The following KHDRBS2 variants were observed in gnomAD, a reference collection of about 807,000 sequenced individuals.
KHDRBS2 encodes KH domain-containing, RNA-binding, signal transduction-associated protein 2.
A neutral mutation model predicts 44.3 loss-of-function variants in KHDRBS2; 26 were observed. The ratio of observed to expected loss-of-function variants is 0.59; its 90% CI spans 0.43 to 0.81. KHDRBS2 has a LOEUF of 0.81. KHDRBS2 is among the 40% of genes least tolerant of loss of function. The probability of loss-of-function intolerance (pLI) is 0.00; values close to 1 mark genes in which losing one functional copy is unlikely to be tolerated. For missense variants in KHDRBS2, 476 were observed against 433.1 expected (o/e 1.10, Z -0.88); for synonymous variants, 194 against 151.1 (o/e 1.28, Z -2.08).
rs1766248448 is a variant in KHDRBS2, at chr6:61,681,162, C to T, written c.953-102G>A. ...GACCGAGAAAAAGAAAACAAAAGAT[C>T]TCAACACCGAACGCTAAAGCCTATT... On this transcript the variant is annotated intron_variant, in intron 8 of 8. Transcript: ENST00000281156. 5.2e-6 allele frequency: 4 copies of T among 772,216 alleles called. No individual in the cohort carries two copies. In the South Asian group the frequency reaches 6.4e-5, roughly 12 times the overall value. 47.8% of individuals were successfully genotyped at this position (772,216 alleles called of 1,614,324 possible).
chr6:61,913,010 A>G (rs1209977495), intron 4 of KHDRBS2, among the ~76,000 whole-genome samples: 1 of 152,144 alleles, frequency 6.6e-6, no homozygotes, highest in Non-Finnish European at 1.5e-5. Context: ...GCTTGTGTCT[A>G]TCAAGTGCCT....
At chr6:62,024,166 CTT>C (rs908412310) in intron 3 of KHDRBS2, among the ~76,000 whole-genome samples, 4 of 151,380 alleles carry the variant, frequency 2.6e-5, no homozygotes, top group African/African-American at 9.6e-5. Flanking sequence ...CATTCATCAT[CTT>C]GGATAAATCT....
chr6:62,112,260 C>A (rs536310636), intron 2 of KHDRBS2, among the ~76,000 whole-genome samples: 52 of 152,166 alleles, frequency 3.4e-4, no homozygotes, highest in African/African-American at 1.2e-3. Flanking sequence ...TGCAAAATTT[C>A]TTTTATGAGA....
intron 2 of KHDRBS2, among the ~76,000 whole-genome samples, chr6:62,073,830 A>C (rs888615202): frequency 4.0e-5 from 6 of 151,670 alleles, no homozygotes; most frequent in African/African-American, 1.5e-4. Flanking sequence ...ATTAGTTGTC[A>C]ACAATCTAAA....
chr6:61,704,797 T>A (rs1330949567), intron 7 of KHDRBS2, among the ~76,000 whole-genome samples: 1 of 151,898 alleles, frequency 6.6e-6, no homozygotes, highest in Non-Finnish European at 1.5e-5. Flanking sequence ...AATAAATGTA[T>A]AAGCAAATCA....
At chr6:61,792,161 A>C (rs1426759151) in intron 6 of KHDRBS2, among the ~76,000 whole-genome samples, 2 of 151,544 alleles carry the variant, frequency 1.3e-5, no homozygotes, top group Non-Finnish European at 3.0e-5. Context: ...TCTAAAGTTG[A>C]AATCTGTACC....
chr6:61,893,892 G>C (rs1014932034), intron 6 of KHDRBS2, among the ~76,000 whole-genome samples: 2 of 149,216 alleles, frequency 1.3e-5, no homozygotes, highest in Non-Finnish European at 3.0e-5. Flanking sequence ...AAAACTTAAA[G>C]TATAATAATA....
At chr6:62,188,237 A>G (rs539030222) in intron 1 of KHDRBS2, among the ~76,000 whole-genome samples, 1 of 152,166 alleles carries the variant, frequency 6.6e-6, no homozygotes, top group East Asian at 1.9e-4. Context: ...TATTCAAACC[A>G]TATCAAGCAG....
the KHDRBS2 span, among the ~76,000 whole-genome samples, chr6:61,653,762 G>A: frequency 6.6e-6 from 1 of 152,002 alleles, no homozygotes; most frequent in Non-Finnish European, 1.5e-5. Context: ...ACTTGGCTTA[G>A]AATTTATAAC....
intron 4 of KHDRBS2, among the ~76,000 whole-genome samples, chr6:61,939,909 A>ATGTGTTTTTGTTTT (rs1309571765): frequency 6.6e-6 from 1 of 152,174 alleles, no homozygotes; most frequent in African/African-American, 2.4e-5. Context: ...TTAGAGCAGA[A>ATGTGTTTTTGTTTT]TGTTTTGTTC....
chr6:61,713,574 C>T (rs950495002), intron 7 of KHDRBS2, among the ~76,000 whole-genome samples: 3 of 132,556 alleles, frequency 2.3e-5, no homozygotes, highest in Non-Finnish European at 4.7e-5. Flanking sequence ...TGATCTGATA[C>T]CTTTAGCTTT....
chr6:61,687,301 T>G (rs1461987922), intron 8 of KHDRBS2, among the ~76,000 whole-genome samples: 1 of 151,732 alleles, frequency 6.6e-6, no homozygotes, highest in East Asian at 1.9e-4. Flanking sequence ...TCTTTCAAAT[T>G]TTTAATTAGA....
chr6:61,705,416 A>G (rs887768221), intron 7 of KHDRBS2, among the ~76,000 whole-genome samples: 2 of 151,860 alleles, frequency 1.3e-5, no homozygotes, highest in Non-Finnish European at 2.9e-5. Flanking sequence ...GGTACACACC[A>G]AACACTGCTA....
intron 6 of KHDRBS2, among the ~76,000 whole-genome samples, chr6:61,834,656 T>A (rs1792365540): frequency 6.6e-6 from 1 of 152,022 alleles, no homozygotes; most frequent in Non-Finnish European, 1.5e-5. Flanking sequence ...TTGGTTACCT[T>A]CTCTGGGTTG....
At chr6:62,123,548 CT>C (rs2150084456) in intron 2 of KHDRBS2, among the ~76,000 whole-genome samples, 1 of 152,310 alleles carries the variant, frequency 6.6e-6, no homozygotes, top group East Asian at 1.9e-4. Flanking sequence ...CCCTTTAATC[CT>C]GCCTACTGTT....
chr6:61,778,333 A>T (rs1782422282), intron 6 of KHDRBS2, among the ~76,000 whole-genome samples: 1 of 152,118 alleles, frequency 6.6e-6, no homozygotes, highest in Non-Finnish European at 1.5e-5. Context: ...CTCTTTCTTG[A>T]TCTCAGTTAT....
intron 6 of KHDRBS2, among the ~76,000 whole-genome samples, chr6:61,794,491 G>C (rs1459086904): frequency 1.3e-5 from 2 of 152,126 alleles, no homozygotes; most frequent in Non-Finnish European, 2.9e-5. Flanking sequence ...TTTTTACCTA[G>C]TGCAAAATTT....
At chr6:61,856,706 T>C (rs1286973353) in intron 6 of KHDRBS2, among the ~76,000 whole-genome samples, 3 of 152,048 alleles carry the variant, frequency 2.0e-5, no homozygotes, top group Non-Finnish European at 4.4e-5. Context: ...TGTTGTTTTG[T>C]AAAACCGTCA....
At chr6:62,053,700 A>G (rs189040281) in intron 2 of KHDRBS2, among the ~76,000 whole-genome samples, 98 of 152,094 alleles carry the variant, frequency 6.4e-4, no homozygotes, top group Admixed American at 2.5e-3. Context: ...AACAAGGTAA[A>G]GATGCACATT....
Sources: gnomAD v4.1 joint callset for allele counts (sites outside exome capture counted in the v4.1 genomes callset) on GRCh38, gnomAD v4.1.1 for gene constraint, MANE v1.5 for transcripts, NCBI Gene and HGNC (gene_info 2026-07-23, HGNC 2026-07-21) for gene names.